The following DNAI4 variants were observed in gnomAD, a reference collection of about 807,000 sequenced individuals.
The protein encoded by DNAI4 is dynein axonemal intermediate chain 4.
In DNAI4, 85 loss-of-function variants were observed where a neutral mutation model predicts 105.8. The ratio of observed to expected loss-of-function variants is 0.80; its 90% CI spans 0.67 to 0.96. The LOEUF (loss-of-function observed/expected upper bound fraction) is 0.96. Ranked by LOEUF, DNAI4 falls within the 40% of genes least tolerant of loss-of-function variation. The probability of loss-of-function intolerance (pLI) is 0.00; values close to 1 mark genes in which losing one functional copy is unlikely to be tolerated. For missense variants in DNAI4, 1,014 were observed against 1,005.6 expected (o/e 1.01, Z -0.11); for synonymous variants, 352 against 331.5 (o/e 1.06, Z -0.67).
intron 1 of DNAI4, among the ~76,000 whole-genome samples, chr1:66,908,149 A>G (rs2100843592): frequency 6.6e-6 from 1 of 152,338 alleles, no homozygotes; most frequent in East Asian, 1.9e-4. Flanking sequence ...CTATACCTGT[A>G]TATTAACCAT....
At chr1:66,836,704 C>G (rs1646033536) in intron 10 of DNAI4, among the ~76,000 whole-genome samples, 2 of 152,212 alleles carry the variant, frequency 1.3e-5, no homozygotes, top group Admixed American at 1.3e-4. Flanking sequence ...ATTGCTTCTT[C>G]TTTTCTTTTG....
chr1:66,819,081 C>T (rs1434860662), intron 16 of DNAI4, among the ~76,000 whole-genome samples: 1 of 152,006 alleles, frequency 6.6e-6, no homozygotes, highest in Non-Finnish European at 1.5e-5. Context: ...ATTTCTATTA[C>T]CAGTATATAA....
chr1:66,844,491 A>G (rs993756357), intron 8 of DNAI4, among the ~76,000 whole-genome samples: 5 of 152,102 alleles, frequency 3.3e-5, no homozygotes, highest in African/African-American at 1.2e-4. Context: ...TGAGCCCGGG[A>G]GGCGGAGGTT....
intron 1 of DNAI4, among the ~76,000 whole-genome samples, chr1:66,921,711 C>T (rs1356856193): frequency 1.3e-5 from 2 of 151,962 alleles, no homozygotes; most frequent in African/African-American, 2.4e-5. Flanking sequence ...AAAAACCATA[C>T]AAGATAAGCA....
At position 66,835,677 on chromosome 1, in the gene DNAI4, A is replaced by G. The variant is rs368795412; in HGVS notation, c.1682T>C (p.Ile561Thr). 52 of 1,614,010 alleles carry G rather than the reference A, an allele frequency of 3.2e-5. No individual in the cohort carries two copies. In the African/African-American group the frequency reaches 4.4e-4, roughly 14 times the overall value. ...LLAVGYHNGTIAIYNVRSNSN... is the reference protein window; with the variant it reads ...LLAVGYHNGTTAIYNVRSNSN... ...GTTGCTCCGTACATTGTAAATTGCA[A>G]TTGTGCCATTGTGATAGCCAACGGC... is the stretch of plus-strand genomic sequence containing the variant. Residue 561 changes from isoleucine to threonine, a missense_variant, in exon 11 of 17, where the codon ATT becomes ACT. By Grantham distance (89) the Ile-to-Thr change is moderately conservative. Coordinates refer to ENST00000371026, the MANE Select transcript of DNAI4 (RefSeq NM_024763.5).
chr1:66,891,375 C>T, intron 3 of DNAI4, 109 bp from the exon 4 acceptor site: 1 of 683,604 alleles, frequency 1.5e-6, no homozygotes, highest in Non-Finnish European at 2.5e-6. Flanking sequence ...ATACTATGAT[C>T]ATATAAGCAA....
intron 2 of DNAI4, among the ~76,000 whole-genome samples, chr1:66,897,469 C>G (rs143857702): frequency 6.6e-6 from 1 of 152,196 alleles, no homozygotes; most frequent in East Asian, 1.9e-4. Flanking sequence ...GAGTTTAGTA[C>G]AGATAGAAGG....
Position 66,890,806 on chromosome 1 carries a change from G to C in DNAI4, c.643+348C>G. On this transcript the variant is annotated intron_variant, in intron 4 of 16. Transcript: ENST00000371026. This position sits in a 1 kb window ranked among gnomAD's most constrained non-coding sequence, Gnocchi z 4.1. ...AGGAGGAAGAAGAAGTGAGGAAGAAGAGGAAAAGAAGAGGAAAAGAGGAAG... is the reference window on the plus strand; with the variant it reads ...AGGAGGAAGAAGAAGTGAGGAAGAACAGGAAAAGAAGAGGAAAAGAGGAAG... The C allele has an allele frequency of 3.3e-6, 1 of 304,886 alleles. No individual in the cohort carries two copies. The highest frequency in any genetic ancestry group is 6.2e-6 in the Non-Finnish European group (1 of 161,956). 18.9% of individuals were successfully genotyped at this position (304,886 alleles called of 1,614,324 possible).
At chr1:66,924,622 C>G in intron 1 of DNAI4, 40 bp downstream of exon 1, 1 of 1,614,132 alleles carries the variant, frequency 6.2e-7, no homozygotes, top group Non-Finnish European at 8.5e-7. Flanking sequence ...CCCTCCGGGT[C>G]CCAGGGGGAT....
Position 66,840,537 on chromosome 1 carries a change from A to T in DNAI4, c.1426T>A (p.Trp476Arg). 1 of 1,614,226 alleles carries T rather than the reference A, an allele frequency of 6.2e-7. No individual in the cohort carries two copies. The highest frequency in any genetic ancestry group is 8.5e-7 in the Non-Finnish European group (1 of 1,180,040). ...STIPANLERL[W>R]SFSCDLTKGL... ...TTGGTTAAGTCACAGGAAAAAGACC[A>T]AAGTCGTTCCAAGTTGGCGGGTATT... is the stretch of plus-strand genomic sequence containing the variant. Residue 476 changes from tryptophan to arginine, a missense_variant, in exon 9 of 17, where the codon TGG becomes AGG. Physicochemically the swap from Trp to Arg is moderately radical, Grantham distance 101. Transcript: ENST00000371026.
chr1:66,832,773 T>A (rs1294516654), intron 13 of DNAI4, among the ~76,000 whole-genome samples: 2 of 152,132 alleles, frequency 1.3e-5, no homozygotes, highest in African/African-American at 4.8e-5. Context: ...AAACATCACA[T>A]GTACCCCATA....
intron 7 of DNAI4, among the ~76,000 whole-genome samples, chr1:66,860,066 A>C (rs1475362394): frequency 6.7e-6 from 1 of 149,562 alleles, no homozygotes; most frequent in East Asian, 1.9e-4. Context: ...CTGTGCACAG[A>C]AAGTAGAGAG....
In DNAI4 at chr1:66,813,175, G is replaced by A. The variant is rs1016703807; in HGVS notation, c.*955C>T. 6.6e-6 allele frequency: 1 copy of A among 152,094 alleles called. No homozygotes were observed. Among genetic ancestry groups the A allele is most frequent in the Non-Finnish European group, 1.5e-5 (1 of 67,980 alleles). 9.4% of individuals were successfully genotyped at this position (152,094 alleles called of 1,614,324 possible). ...AATATATACATATTTTTTTTCCAGA[G>A]AGTTTAGTGAATTTCATATGCCCTA... is the stretch of plus-strand genomic sequence containing the variant. On this transcript the variant is annotated 3_prime_UTR_variant, in exon 17 of 17. Coordinates refer to ENST00000371026, the MANE Select transcript of DNAI4 (RefSeq NM_024763.5).
chr1:66,833,769 CA>C (rs1219302110), intron 12 of DNAI4, 63 bp from the exon 13 acceptor site: 5 of 1,563,664 alleles, frequency 3.2e-6, no homozygotes, highest in Admixed American at 1.9e-5. Context: ...CCGCAAATAT[CA>C]TGTGTGTTTC....
chr1:66,871,963 C>T (rs2100661121), intron 5 of DNAI4, among the ~76,000 whole-genome samples: 1 of 152,258 alleles, frequency 6.6e-6, no homozygotes, highest in Non-Finnish European at 1.5e-5. Context: ...TGAGACCTTG[C>T]TTCATAGCCT....
chr1:66,893,059 G>GAAAGAAAGAAAGAA (rs780472953), intron 3 of DNAI4, among the ~76,000 whole-genome samples, 170 bp downstream of exon 3: 15 of 56,526 alleles, frequency 2.7e-4, no homozygotes, highest in African/African-American at 1.0e-3. Flanking sequence ...AAGAAAGAGA[G>GAAAGAAAGAAAGAA]AGAGAGAAAG....
At position 66,872,420 on chromosome 1, in the gene DNAI4, G is replaced by A. The variant is rs1037682676; in HGVS notation, c.801-911C>T. On this transcript the variant is annotated intron_variant, in intron 5 of 16. Coordinates refer to ENST00000371026, the MANE Select transcript of DNAI4 (RefSeq NM_024763.5). ...ATTTTTGTATTTTTAGTAGACACGAGGTTTTACCATGTTGACCAGGCTGCT... is the reference window on the plus strand; with the variant it reads ...ATTTTTGTATTTTTAGTAGACACGAAGTTTTACCATGTTGACCAGGCTGCT... Among the ~76,000 whole-genome samples, 5 of 151,794 alleles carry A rather than the reference G, an allele frequency of 3.3e-5. No individual in the cohort carries two copies. The South Asian group carries it at 1.0e-3, about 32-fold the overall frequency.
chr1:66,881,878 G>A (rs1190521657), intron 4 of DNAI4, among the ~76,000 whole-genome samples: 1 of 152,184 alleles, frequency 6.6e-6, no homozygotes, highest in African/African-American at 2.4e-5. Context: ...GTCATGAGAG[G>A]AACCCAGTGG....
intron 4 of DNAI4, 88 bp from the exon 5 acceptor site, chr1:66,875,025 G>A: frequency 1.7e-6 from 2 of 1,180,396 alleles, no homozygotes; most frequent in Admixed American, 2.5e-5. Context: ...ACCATAATGG[G>A]TAATATATTG....
Sources: allele counts gnomAD v4.1 joint callset (sites outside exome capture counted in the v4.1 genomes callset), GRCh38; gene constraint gnomAD v4.1.1; non-coding constraint Gnocchi (gnomAD v3.1); transcripts MANE v1.5; gene names NCBI Gene and HGNC (gene_info 2026-07-23, HGNC 2026-07-21).